CTNNA2: variants seen among roughly 807,000 people sequenced by gnomAD.
CTNNA2 encodes catenin alpha 2.
A neutral mutation model predicts 101.0 loss-of-function variants in CTNNA2; 42 were observed. The ratio of observed to expected loss-of-function variants is 0.42; its 90% CI spans 0.32 to 0.54. The LOEUF is 0.54. Among genes scored for constraint, CTNNA2 ranks in the 20% least tolerant of loss-of-function variants. The pLI is 0.14. For synonymous variants in CTNNA2, 450 were observed against 456.4 expected, an observed-to-expected ratio of 0.99 and a Z score of 0.18; for missense variants, 871 against 1,223.1, an observed-to-expected ratio of 0.71 and a Z score of 4.29.
chr2:79,856,231 T>C (rs930747129), intron 3 of CTNNA2, among the ~76,000 whole-genome samples: 2 of 152,208 alleles, frequency 1.3e-5, no homozygotes, highest in Non-Finnish European at 2.9e-5. Flanking sequence ...TGCAATATAT[T>C]TCCTTACACA....
chr2:79,857,811 C>A (rs1681259532), intron 3 of CTNNA2, among the ~76,000 whole-genome samples: 1 of 152,138 alleles, frequency 6.6e-6, no homozygotes, highest in African/African-American at 2.4e-5. Context: ...GAAATGAGCA[C>A]CTTGTTTGGT....
At chr2:79,881,197 T>G (rs1394775594) in intron 6 of CTNNA2, among the ~76,000 whole-genome samples, 1 of 152,222 alleles carries the variant, frequency 6.6e-6, no homozygotes, top group East Asian at 1.9e-4. Flanking sequence ...GTTTCAGTTC[T>G]TTTGCATTTG....
intron 9 of CTNNA2, among the ~76,000 whole-genome samples, chr2:80,491,903 C>A (rs995970837): frequency 1.3e-5 from 2 of 152,094 alleles, no homozygotes; most frequent in African/African-American, 2.4e-5. Flanking sequence ...AGTATCAATT[C>A]TAGATTATTC....
At chr2:79,687,454 T>TC in intron 2 of CTNNA2, 1 of 524,938 alleles carries the variant, frequency 1.9e-6, no homozygotes, top group Non-Finnish European at 3.4e-6. Context: ...CTTTTTTTTT[T>TC]TTGTACCTTC....
intron 7 of CTNNA2, among the ~76,000 whole-genome samples, chr2:80,164,080 G>A (rs1311819239): frequency 1.3e-5 from 2 of 151,370 alleles, no homozygotes; most frequent in African/African-American, 2.4e-5. Flanking sequence ...GCATATAGTT[G>A]GATAATGGTT....
At chr2:80,488,079 C>T (rs555046708) in intron 9 of CTNNA2, among the ~76,000 whole-genome samples, 17 of 152,200 alleles carry the variant, frequency 1.1e-4, no homozygotes, top group African/African-American at 3.1e-4. Flanking sequence ...ATTTGGAATC[C>T]TATACCTTAT....
At chr2:79,521,163 TATATAA>T (rs1558695270) in intron 1 of CTNNA2, among the ~76,000 whole-genome samples, 14 of 96,472 alleles carry the variant, frequency 1.5e-4, no homozygotes, top group African/African-American at 6.0e-4. Flanking sequence ...TATATATATA[TATATAA>T]ATTTTAAGGT....
intron 7 of CTNNA2, among the ~76,000 whole-genome samples, chr2:80,033,574 G>GAAAAAC (rs1014742996): frequency 3.9e-5 from 6 of 152,060 alleles, no homozygotes; most frequent in Admixed American, 2.0e-4. Flanking sequence ...GTGAGACTCT[G>GAAAAAC]AAAAACAAAA....
intron 1 of CTNNA2, among the ~76,000 whole-genome samples, chr2:79,628,397 G>C (rs1410376335): frequency 6.6e-6 from 1 of 151,018 alleles, no homozygotes; most frequent in South Asian, 2.1e-4. Flanking sequence ...AGGTTGCAGT[G>C]AACCGAGGTA....
chr2:80,576,481 C>A (rs1396737695), intron 13 of CTNNA2: 1 of 150,394 alleles, frequency 6.6e-6, no homozygotes, highest in Non-Finnish European at 1.5e-5. Flanking sequence ...ATATGCAAAT[C>A]TGGCAGACCA....
intron 5 of CTNNA2, among the ~76,000 whole-genome samples, chr2:79,872,844 G>A (rs1040207672): frequency 1.4e-5 from 2 of 143,762 alleles, no homozygotes; most frequent in Admixed American, 7.3e-5. Flanking sequence ...TTTTCCAGCT[G>A]GAAGAATATT....
At chr2:79,195,521 CAGTCTCAGTTT>C (rs749462452) in intron 1 of CTNNA2, among the ~76,000 whole-genome samples, 12 of 152,158 alleles carry the variant, frequency 7.9e-5, no homozygotes, top group Non-Finnish European at 1.5e-4. Flanking sequence ...TCATCCTGAC[CAGTCTCAGTTT>C]AGTCCTACTA....
chr2:79,554,719 A>G (rs566814183), intron 1 of CTNNA2, among the ~76,000 whole-genome samples: 2 of 152,216 alleles, frequency 1.3e-5, no homozygotes, highest in Admixed American at 1.3e-4. Flanking sequence ...TGTGCTAGAC[A>G]CTCTATTAAA....
intron 2 of CTNNA2, among the ~76,000 whole-genome samples, chr2:79,692,771 G>T (rs554686897): frequency 2.0e-5 from 3 of 148,850 alleles, no homozygotes; most frequent in East Asian, 4.0e-4. Flanking sequence ...ACTATCACAG[G>T]AACAGAAAAC....
intron 7 of CTNNA2, chr2:80,162,987 C>T: frequency 1.3e-6 from 2 of 1,550,796 alleles, no homozygotes; most frequent in South Asian, 2.2e-5. Flanking sequence ...ATGACTACTT[C>T]CTGATCTAAA....
Position 80,165,597 on chromosome 2 carries a change from C to T in CTNNA2, c.1057-227614C>T, listed in dbSNP as rs562377755. Reference sequence around the variant, plus strand: ...TCTGTTGACATGTAAGTGGGGAAAACTCCCATTGCTGCTGGAAAGGATTGG... The same window carrying T: ...TCTGTTGACATGTAAGTGGGGAAAATTCCCATTGCTGCTGGAAAGGATTGG... On this transcript the variant is annotated intron_variant, in intron 7 of 18. Coordinates refer to ENST00000402739, the MANE Select transcript of CTNNA2 (RefSeq NM_001282597.3). Among the ~76,000 whole-genome samples, 14 of 152,242 alleles carry T rather than the reference C, an allele frequency of 9.2e-5. No homozygotes were observed. In the South Asian group the frequency reaches 2.9e-3, roughly 32 times the overall value.
At position 79,960,528 on chromosome 2, in the gene CTNNA2, T is replaced by C. The variant is rs145999824; in HGVS notation, c.1056+50731T>C. On this transcript the variant is annotated intron_variant, in intron 7 of 18. Transcript: ENST00000402739. ...GGTAGCAAAGCCATTAGCTACTTCT[T>C]GATAGTTTTTATGAATAGACTTAGC... 6.8e-3 allele frequency among the ~76,000 whole-genome samples: 1,033 copies of C among 152,326 alleles called. 8 individuals carry two copies. The highest frequency in any genetic ancestry group is 0.023 in the African/African-American group (966 of 41,558).
chr2:80,514,770 G>A (rs1367756742), intron 9 of CTNNA2, among the ~76,000 whole-genome samples: 1 of 152,142 alleles, frequency 6.6e-6, no homozygotes, highest in Non-Finnish European at 1.5e-5. Flanking sequence ...TCTCCCTGCT[G>A]ACTGAGTCTG....
At chr2:79,814,253 T>C (rs1677286325) in intron 3 of CTNNA2, among the ~76,000 whole-genome samples, 1 of 152,164 alleles carries the variant, frequency 6.6e-6, no homozygotes, top group African/African-American at 2.4e-5. Context: ...TACTTTTTTG[T>C]AGGTTATTGG....
Sources: gnomAD v4.1 joint callset for allele counts (sites outside exome capture counted in the v4.1 genomes callset) on GRCh38, gnomAD v4.1.1 for gene constraint, MANE v1.5 for transcripts, NCBI Gene and HGNC (gene_info 2026-07-23, HGNC 2026-07-21) for gene names.